Variants in RBFOX2 observed in about 807,000 individuals in gnomAD.
RBFOX2 encodes RNA binding protein fox-1 homolog 2.
Under a neutral mutation model 49.1 loss-of-function variants are expected in RBFOX2, and 10 were observed. The observed-to-expected ratio is 0.20, with a 90% CI of 0.13 to 0.35. The LOEUF (loss-of-function observed/expected upper bound fraction) is 0.35. RBFOX2 is among the 10% of genes least tolerant of loss of function. The pLI is 1.00. For synonymous variants in RBFOX2, 183 were observed against 187.4 expected, an observed-to-expected ratio of 0.98 and a Z score of 0.19; for missense variants, 323 against 486.9, an observed-to-expected ratio of 0.66 and a Z score of 3.17.
At chr22:36,016,964 A>C (rs144669078) in intron 1 of RBFOX2, among the ~76,000 whole-genome samples, 359 of 152,302 alleles carry the variant, frequency 2.4e-3, no homozygotes, top group Non-Finnish European at 3.9e-3. Context: ...TATGAAGTAC[A>C]ATCATTTGCA....
intron 1 of RBFOX2, among the ~76,000 whole-genome samples, chr22:35,864,331 C>T (rs2043431177): frequency 6.6e-6 from 1 of 152,050 alleles, no homozygotes; most frequent in African/African-American, 2.4e-5. Flanking sequence ...TTCCCCATGA[C>T]CTGAAACCAC....
At chr22:35,805,206 C>T (rs1950502601) in intron 2 of RBFOX2, among the ~76,000 whole-genome samples, 1 of 145,986 alleles carries the variant, frequency 6.8e-6, no homozygotes, top group Non-Finnish European at 1.5e-5. Flanking sequence ...AGGAGAATGG[C>T]GTGAACCCGG....
intron 1 of RBFOX2, chr22:35,840,173 G>A (rs1036150135): frequency 4.3e-6 from 7 of 1,613,078 alleles, no homozygotes; most frequent in Admixed American, 3.3e-5. Context: ...GAAACATGCC[G>A]AGGAAGCACA....
At chr22:35,738,746 C>G (rs1311131815) in exon 12 of RBFOX2, 1 of 150,970 alleles carries the variant, frequency 6.6e-6, no homozygotes, top group African/African-American at 2.4e-5. Context: ...TGGTGTTTCT[C>G]TCTTTTATTT....
intron 7 of RBFOX2, 47 bp from the exon 9 acceptor site, chr22:35,761,341 G>A (rs759353529): frequency 1.2e-6 from 2 of 1,612,726 alleles, no homozygotes; most frequent in Admixed American, 3.3e-5. Flanking sequence ...GATTAAAAAG[G>A]AGTCACAAAT....
chr22:35,842,718 G>C (rs548063228), upstream of RBFOX2, among the ~76,000 whole-genome samples: 1 of 151,746 alleles, frequency 6.6e-6, no homozygotes, highest in South Asian at 2.1e-4. Flanking sequence ...CCCATCCTTA[G>C]AAAAGCAGCA....
intron 1 of RBFOX2, among the ~76,000 whole-genome samples, chr22:35,855,305 A>G (rs1243945781): frequency 1.3e-5 from 2 of 152,206 alleles, no homozygotes; most frequent in Non-Finnish European, 2.9e-5. Flanking sequence ...ATGCTTTTAT[A>G]GTATTAAAGT....
chr22:35,954,648 C>T (rs1425457373), intron 1 of RBFOX2, among the ~76,000 whole-genome samples: 1 of 152,178 alleles, frequency 6.6e-6, no homozygotes, highest in East Asian at 1.9e-4. Context: ...CCAAGCCTTG[C>T]CCCACTTGGT....
rs544054235 is a variant in RBFOX2, at chr22:36,004,651, C to G, written c.186+23589G>C. Among the ~76,000 whole-genome samples, 6 of 152,234 alleles carry G rather than the reference C, an allele frequency of 3.9e-5. No individual in the cohort carries two copies. In the East Asian group the frequency reaches 1.2e-3, roughly 29 times the overall value. The stretch of plus-strand genomic sequence containing the variant: ...TCTCTACTAAAAACATAAAAATTGG[C>G]CAGGCATGGTGGCAAGTGCCTGTAA... On this transcript the variant is annotated intron_variant, in intron 1 of 13. Coordinates refer to the RBFOX2 transcript ENST00000438146.
intron 8 of RBFOX2, 151 bp from the exon 10 acceptor site, chr22:35,760,171 T>G: frequency 3.2e-6 from 3 of 941,538 alleles, no homozygotes; most frequent in Non-Finnish European, 3.2e-6. Flanking sequence ...ATAAACGTTC[T>G]ACCCTGGGTC....
At chr22:35,756,827 A>G (rs1342403137) in intron 9 of RBFOX2, among the ~76,000 whole-genome samples, 2 of 152,112 alleles carry the variant, frequency 1.3e-5, no homozygotes, top group Admixed American at 1.3e-4. Flanking sequence ...CAAGTCAATC[A>G]ATTCTGACCA....
chr22:35,755,541 T>C (rs1329554989), intron 9 of RBFOX2, among the ~76,000 whole-genome samples: 21 of 152,200 alleles, frequency 1.4e-4, no homozygotes, highest in Admixed American at 1.4e-3. Flanking sequence ...TACTACACAC[T>C]CTTTGCTGGC....
At chr22:35,913,367 T>C (rs1481209806) in intron 1 of RBFOX2, among the ~76,000 whole-genome samples, 1 of 152,076 alleles carries the variant, frequency 6.6e-6, no homozygotes, top group Admixed American at 6.6e-5. Context: ...GAAAGTGTTC[T>C]CTTGGGTAAG....
chr22:35,841,740 A>T (rs1391358037), upstream of RBFOX2, among the ~76,000 whole-genome samples: 2 of 152,134 alleles, frequency 1.3e-5, no homozygotes, highest in Non-Finnish European at 2.9e-5. Context: ...ATCTATTTTT[A>T]TTTTTTACAA....
In RBFOX2 at chr22:35,997,982, ACAGAGTGCGAC is replaced by A. The variant is rs537930595; in HGVS notation, c.186+30247_186+30257del. 2.6e-5 allele frequency: 4 copies of A among 152,326 alleles called. No individual in the cohort carries two copies. The East Asian group carries it at 7.7e-4, about 29-fold the overall frequency. 9.4% of individuals were successfully genotyped at this position (152,326 alleles called of 1,614,324 possible). ...GAACCACCACACTCCAGACTGGGTG[ACAGAGTGCGAC>A]CCTGTCTCAAAAAAATAAAATAATG... On this transcript the variant is annotated intron_variant, in intron 1 of 13. Transcript: ENST00000438146.
intron 1 of RBFOX2, among the ~76,000 whole-genome samples, chr22:35,859,161 C>G (rs1444115071): frequency 6.6e-6 from 1 of 152,106 alleles, no homozygotes. Flanking sequence ...GCAGCAATTG[C>G]TACTATAGCC....
At chr22:35,955,643 C>T (rs1419247544) in intron 1 of RBFOX2, among the ~76,000 whole-genome samples, 2 of 152,072 alleles carry the variant, frequency 1.3e-5, no homozygotes, top group African/African-American at 4.8e-5. Flanking sequence ...CTCGCACGCG[C>T]AGTTCACAGT....
At chr22:35,796,187 C>A (rs1404353076) in intron 2 of RBFOX2, among the ~76,000 whole-genome samples, 1 of 152,044 alleles carries the variant, frequency 6.6e-6, no homozygotes, top group Non-Finnish European at 1.5e-5. Flanking sequence ...ATGTGGGAAA[C>A]CCTTTTAACT....
intron 1 of RBFOX2, among the ~76,000 whole-genome samples, chr22:35,839,753 G>A (rs909416200): frequency 9.9e-5 from 15 of 152,164 alleles, no homozygotes; most frequent in African/African-American, 3.1e-4. Flanking sequence ...CCAATCCTGA[G>A]AAACCAAAGT....
Sources: gnomAD v4.1 joint callset for allele counts (sites outside exome capture counted in the v4.1 genomes callset) on GRCh38, gnomAD v4.1.1 for gene constraint, MANE v1.5 for transcripts, NCBI Gene and HGNC (gene_info 2026-07-23, HGNC 2026-07-21) for gene names.